The following EGFR variants were observed in gnomAD, a reference collection of about 807,000 sequenced individuals.
The protein encoded by EGFR is epidermal growth factor receptor.
In EGFR, 58 loss-of-function variants were observed where a neutral mutation model predicts 143.0. The ratio of observed to expected loss-of-function variants is 0.41; its 90% confidence interval spans 0.33 to 0.50. The LOEUF (loss-of-function observed/expected upper bound fraction) is 0.50. Among genes scored for constraint, EGFR ranks in the 20% least tolerant of loss-of-function variants. The pLI is 0.39. For missense variants in EGFR, 1,307 were observed against 1,579.0 expected, an observed-to-expected ratio of 0.83 and a Z score of 2.92; for synonymous variants, 613 against 594.4, an observed-to-expected ratio of 1.03 and a Z score of -0.45.
At chr7:55,125,653 G>T (rs552031029) in intron 1 of EGFR, among the ~76,000 whole-genome samples, 6 of 152,354 alleles carry the variant, frequency 3.9e-5, no homozygotes, top group Non-Finnish European at 7.3e-5. Flanking sequence ...AAATGATGCG[G>T]ATAAATCCAG....
chr7:55,067,741 T>C (rs1158845539), intron 1 of EGFR, among the ~76,000 whole-genome samples: 1 of 151,484 alleles, frequency 6.6e-6, no homozygotes, highest in Non-Finnish European at 1.5e-5. Flanking sequence ...TGCACGTACA[T>C]TGTATACTCA....
intron 1 of EGFR, among the ~76,000 whole-genome samples, chr7:55,112,229 A>G (rs1584068280): frequency 6.6e-6 from 1 of 152,308 alleles, no homozygotes; most frequent in East Asian, 1.9e-4. Context: ...TGATAGCCAC[A>G]CGATTTAAGG....
At chr7:55,083,663 T>A (rs529391134) in intron 1 of EGFR, among the ~76,000 whole-genome samples, 1 of 152,372 alleles carries the variant, frequency 6.6e-6, no homozygotes, top group Admixed American at 6.5e-5. Flanking sequence ...CTGCATCTAC[T>A]GAAGAAAGCG....
At chr7:55,051,967 T>C (rs943183183) in intron 1 of EGFR, among the ~76,000 whole-genome samples, 4 of 152,216 alleles carry the variant, frequency 2.6e-5, no homozygotes, top group Non-Finnish European at 5.9e-5. Context: ...AGCTAGACTA[T>C]CAACTCCAGG....
intron 13 of EGFR, among the ~76,000 whole-genome samples, chr7:55,163,358 T>A (rs1425198945): frequency 6.6e-6 from 1 of 152,230 alleles, no homozygotes; most frequent in Non-Finnish European, 1.5e-5. Flanking sequence ...TCCTTCCTTT[T>A]TCTATCACTT....
chr7:55,046,519 G>A (rs966825991), intron 1 of EGFR, among the ~76,000 whole-genome samples: 1 of 151,714 alleles, frequency 6.6e-6, no homozygotes, highest in Non-Finnish European at 1.5e-5. Flanking sequence ...ATTTGGCGTG[G>A]TGCGTCCTAA....
At chr7:55,143,281 C>T (rs770449039) in intron 2 of EGFR, 24 bp from the exon 3 acceptor site, 13 of 1,613,500 alleles carry the variant, frequency 8.1e-6, no homozygotes, top group Middle Eastern at 1.7e-4. Flanking sequence ...AGAGAAATCA[C>T]GCATTTATGT....
At chr7:55,186,747 T>C (rs1787155309) in intron 20 of EGFR, among the ~76,000 whole-genome samples, 1 of 152,228 alleles carries the variant, frequency 6.6e-6, no homozygotes, top group Non-Finnish European at 1.5e-5. Flanking sequence ...GAAATACATA[T>C]AGAAGTAAGA....
intron 1 of EGFR, among the ~76,000 whole-genome samples, chr7:55,022,470 A>G (rs187166098): frequency 4.0e-4 from 61 of 152,290 alleles, no homozygotes; most frequent in African/African-American, 1.4e-3. Context: ...GGCAATTGGG[A>G]CCTTTCTTCT....
intron 20 of EGFR, among the ~76,000 whole-genome samples, chr7:55,190,553 TC>T (rs1263619629): frequency 1.3e-5 from 2 of 151,968 alleles, no homozygotes; most frequent in Non-Finnish European, 2.9e-5. Context: ...TGGGAATCCA[TC>T]CACATCTACA....
intron 1 of EGFR, 83 bp from the exon 2 acceptor site, chr7:55,142,203 A>C (rs1417936442): frequency 6.4e-7 from 1 of 1,559,380 alleles, no homozygotes; most frequent in Non-Finnish European, 8.8e-7. Context: ...GCTACCCTTA[A>C]TACCTGGACC....
chr7:55,077,142 A>G (rs1048051102), intron 1 of EGFR, among the ~76,000 whole-genome samples: 11 of 152,126 alleles, frequency 7.2e-5, no homozygotes, highest in African/African-American at 2.2e-4. Flanking sequence ...TTTAGACCCC[A>G]AAGATTCCAA....
rs914836667 is a variant in EGFR, at chr7:55,070,116, C to G, written c.88+50751C>G. 5.9e-5 allele frequency among the ~76,000 whole-genome samples: 9 copies of G among 152,186 alleles called. 1 individual carries two copies. In the East Asian group the frequency reaches 1.5e-3, roughly 26 times the overall value. Reference sequence around the variant, plus strand: ...GCTTTAATTAATTTAAAAAGGAGAACAATGCTATATGCTGTATCCCACCTT... The same window carrying G: ...GCTTTAATTAATTTAAAAAGGAGAAGAATGCTATATGCTGTATCCCACCTT... On this transcript the variant is annotated intron_variant, in intron 1 of 27. Transcript: ENST00000275493.
At chr7:55,187,485 G>A (rs1009198251) in intron 20 of EGFR, among the ~76,000 whole-genome samples, 3 of 152,194 alleles carry the variant, frequency 2.0e-5, no homozygotes, top group African/African-American at 7.2e-5. Flanking sequence ...CAGGACAGGG[G>A]TCCCAGCAGC....
intron 1 of EGFR, among the ~76,000 whole-genome samples, chr7:55,095,098 C>T (rs1050456180): frequency 1.3e-5 from 2 of 152,176 alleles, no homozygotes; most frequent in African/African-American, 2.4e-5. Flanking sequence ...TTCTCCCTGA[C>T]GCTAGCACAG....
rs1415396621 is a variant in EGFR at position 55,208,570 on chromosome 7, CTAAT to C, written c.*2956_*2959del. On this transcript the variant is annotated 3_prime_UTR_variant, in exon 28 of 28. Transcript: ENST00000275493. ...CTTGCATCATCTCTAAGGAGCTCCT[CTAAT>C]TACACCATGCCCGTCACCCCATGAG... is the stretch of plus-strand genomic sequence containing the variant. 6 of 152,182 alleles carry C rather than the reference CTAAT, an allele frequency of 3.9e-5. No homozygotes were observed. Among genetic ancestry groups the C allele is most frequent in the African/African-American group, 1.4e-4 (6 of 41,434 alleles). The allele number at this position is 152,182 out of a possible 1,614,324, so 9.4% of individuals were successfully genotyped here. A position where few individuals can be genotyped will look rare whatever the true frequency, so the allele number is the denominator to read the frequency against.
At chr7:55,171,486 T>C (rs887959060) in intron 16 of EGFR, among the ~76,000 whole-genome samples, 1 of 152,244 alleles carries the variant, frequency 6.6e-6, no homozygotes, top group Non-Finnish European at 1.5e-5. Context: ...ATGGCCTGCC[T>C]CTGAATTCCT....
chr7:55,078,925 C>T (rs1007240681), intron 1 of EGFR, among the ~76,000 whole-genome samples: 3 of 152,122 alleles, frequency 2.0e-5, no homozygotes, highest in African/African-American at 7.2e-5. Flanking sequence ...TGGAGACTCC[C>T]GGTGCCCGGG....
chr7:55,019,420 C>G (rs1259669252), intron 1 of EGFR, 55 bp downstream of exon 1: 15 of 1,196,804 alleles, frequency 1.3e-5, no homozygotes, highest in Non-Finnish European at 1.2e-5. Flanking sequence ...CCCCGGACCC[C>G]GCAGCCCGCC....
Sources: gnomAD v4.1 joint callset for allele counts (sites outside exome capture counted in the v4.1 genomes callset) on GRCh38, gnomAD v4.1.1 for gene constraint, MANE v1.5 for transcripts, NCBI Gene and HGNC (gene_info 2026-07-23, HGNC 2026-07-21) for gene names.